The following ZEB2 variants were observed in gnomAD, a reference collection of about 807,000 sequenced individuals.
The protein encoded by ZEB2 is zinc finger E-box binding homeobox 2.
Under a neutral mutation model 99.9 loss-of-function variants are expected in ZEB2, and 6 were observed. That is an observed-to-expected ratio of 0.06 (90% CI 0.03 to 0.12). ZEB2 has a LOEUF of 0.12. ZEB2 is among the 10% of genes least tolerant of loss of function. The probability of loss-of-function intolerance (pLI) is 1.00; values close to 1 mark genes in which losing one functional copy is unlikely to be tolerated. For missense variants in ZEB2, 969 were observed against 1,502.8 expected (o/e 0.64, Z 5.87); for synonymous variants, 517 against 542.5 (o/e 0.95, Z 0.65).
intron 2 of ZEB2, among the ~76,000 whole-genome samples, chr2:144,432,486 A>G (rs1703786968): frequency 6.6e-6 from 1 of 152,106 alleles, no homozygotes; most frequent in East Asian, 1.9e-4. Flanking sequence ...AAATGAGACA[A>G]TCTCATTCTG....
rs748955225 is a variant in ZEB2, at chr2:144,399,460, T to C, written c.1727A>G (p.Asn576Ser). Residue 576 changes from asparagine (N) to serine (S), a missense_variant, in exon 8 of 10, where the codon AAC becomes AGC. Physicochemically the swap from Asn to Ser is conservative, Grantham distance 46. Transcript: ENST00000627532. The surrounding 1 kb of genome is among the most constrained non-coding windows in gnomAD (Gnocchi z 5.6). ...CTGGCATGAAAATGGAGTGGATATG[T>C]TGTGGTTCTCAATCATTTTGTCATC... ...VTDDKMIENHNISTPFSCQFC... is the reference protein window; with the variant it reads ...VTDDKMIENHSISTPFSCQFC... The C allele has an allele frequency of 2.5e-6, 4 of 1,614,152 alleles. No individual in the cohort carries two copies. The highest frequency in any genetic ancestry group is 3.4e-6 in the Non-Finnish European group (4 of 1,180,012).
intron 2 of ZEB2, among the ~76,000 whole-genome samples, chr2:144,493,572 C>T (rs1174972691): frequency 6.6e-6 from 1 of 151,924 alleles, no homozygotes; most frequent in Non-Finnish European, 1.5e-5. Context: ...AACTGGGCTC[C>T]ATTTGTTACA....
At chr2:144,501,071 G>A (rs961860868) in intron 2 of ZEB2, among the ~76,000 whole-genome samples, 2 of 151,452 alleles carry the variant, frequency 1.3e-5, no homozygotes, top group African/African-American at 2.4e-5. Flanking sequence ...GCTAGAAATT[G>A]GATGGGGGGG....
intron 4 of ZEB2, 30 bp downstream of exon 4, chr2:144,424,766 T>C (rs745474965): frequency 1.9e-6 from 3 of 1,613,694 alleles, no homozygotes; most frequent in Non-Finnish European, 2.5e-6. Flanking sequence ...ACAGGACAAA[T>C]GTGATCTGAG....
At chr2:144,437,834 G>T (rs1035047549) in intron 2 of ZEB2, among the ~76,000 whole-genome samples, 8 of 152,074 alleles carry the variant, frequency 5.3e-5, no homozygotes, top group African/African-American at 7.2e-5. Flanking sequence ...GCCCATAAAA[G>T]GTGTAAAGTC....
In ZEB2 at chr2:144,424,782, C is replaced by A. The variant is rs376172108; in HGVS notation, c.403+14G>T. On this transcript the variant is annotated intron_variant, in intron 4 of 9. Transcript: ENST00000627532. The stretch of plus-strand genomic sequence containing the variant: ...CAGGACAAATGTGATCTGAGCGTGG[C>A]CAACATAACTCACCTGTACCATTGT... 6.2e-7 allele frequency: 1 copy of A among 1,613,990 alleles called. No individual in the cohort carries two copies. The highest frequency in any genetic ancestry group is 1.1e-5 in the South Asian group (1 of 91,088).
intron 4 of ZEB2, among the ~76,000 whole-genome samples, chr2:144,412,044 C>T (rs760253745): frequency 3.9e-5 from 6 of 152,258 alleles, no homozygotes; most frequent in Admixed American, 1.3e-4. Context: ...CCGAGGTGGG[C>T]GGATCACCTG....
At chr2:144,491,372 A>C (rs1018659758) in intron 2 of ZEB2, among the ~76,000 whole-genome samples, 4 of 152,078 alleles carry the variant, frequency 2.6e-5, no homozygotes, top group African/African-American at 9.7e-5. Context: ...AAAAAAAAAA[A>C]AACGACCTAA....
rs1560608530 is a variant in ZEB2 at position 144,402,583 on chromosome 2, C to T, written c.808-1276G>A. ...AATATGATACAATCATTTTAATTTACTAATTGTAAATGCCATGAGCAAATG... is the reference window on the plus strand; with the variant it reads ...AATATGATACAATCATTTTAATTTATTAATTGTAAATGCCATGAGCAAATG... On this transcript the variant is annotated intron_variant, in intron 6 of 9. Transcript: ENST00000627532. 2.6e-5 allele frequency among the ~76,000 whole-genome samples: 4 copies of T among 152,298 alleles called. No individual in the cohort carries two copies. In the East Asian group the frequency reaches 5.8e-4, roughly 22 times the overall value.
At chr2:144,517,947 C>T (rs1705190512) in intron 1 of ZEB2, 1 of 398,766 alleles carries the variant, frequency 2.5e-6, no homozygotes. Context: ...TCGCCCAGCG[C>T]CCCCTCCCCT....
intron 3 of ZEB2, chr2:144,428,993 T>A (rs539851393): frequency 1.2e-4 from 18 of 152,358 alleles, no homozygotes; most frequent in Admixed American, 1.1e-3. Context: ...GCAGAGAAAG[T>A]TCACAGGAAT....
intron 2 of ZEB2, among the ~76,000 whole-genome samples, chr2:144,458,966 T>TA (rs1206470669): frequency 6.6e-6 from 1 of 152,184 alleles, no homozygotes; most frequent in Non-Finnish European, 1.5e-5. Context: ...TTTTGAATGA[T>TA]AGAGACCAGA....
At chr2:144,449,740 A>G (rs1454349210) in intron 2 of ZEB2, 1 of 152,184 alleles carries the variant, frequency 6.6e-6, no homozygotes, top group Admixed American at 6.5e-5. Context: ...TGATCATGAA[A>G]CCAAATTCAG....
intron 4 of ZEB2, among the ~76,000 whole-genome samples, chr2:144,411,123 T>TAC (rs3073686): frequency 0.18 from 20,824 of 117,252 alleles, 2,541 homozygotes; most frequent in African/African-American, 0.3. Flanking sequence ...ATCTCATATA[T>TAC]ACACACACAC....
chr2:144,413,976 G>A (rs1242432583), intron 4 of ZEB2, among the ~76,000 whole-genome samples: 7 of 152,310 alleles, frequency 4.6e-5, no homozygotes, highest in East Asian at 1.9e-4. Context: ...CTATGCTAAC[G>A]ATGCGATGCA....
intron 2 of ZEB2, among the ~76,000 whole-genome samples, chr2:144,483,150 A>ACACACACGCGCG (rs1553968399): frequency 6.7e-6 from 1 of 149,546 alleles, no homozygotes; most frequent in African/African-American, 2.4e-5. Context: ...ACACACACAC[A>ACACACACGCGCG]CACACACACA....
intron 2 of ZEB2, chr2:144,513,995 C>T: frequency 1.0e-6 from 1 of 965,490 alleles, no homozygotes; most frequent in Non-Finnish European, 1.5e-6. Flanking sequence ...ACCCCACTCC[C>T]TCTTTCCTCC....
rs16855324 is a variant in ZEB2, at chr2:144,390,191, C to T, written c.3068-163G>A. ...GATGGAGAGTTAGGAAGATGCATTT[C>T]CATCCCACAATTTGGTTTTCTAATG... On this transcript the variant is annotated intron_variant, in intron 9 of 9. Coordinates refer to ENST00000627532, the MANE Select transcript of ZEB2 (RefSeq NM_014795.4). 0.21 allele frequency among the ~76,000 whole-genome samples: 32,653 copies of T among 152,024 alleles called. 3,991 individuals carry two copies. Among genetic ancestry groups the T allele is most frequent in the African/African-American group, 0.33 (13,515 of 41,416 alleles).
chr2:144,516,532 G>C (rs1378528627), intron 2 of ZEB2: 5 of 152,056 alleles, frequency 3.3e-5, no homozygotes, highest in African/African-American at 7.3e-5. Context: ...TGGATAACGG[G>C]CTCCTCCAGA....
Sources: gnomAD v4.1 joint callset for allele counts (sites outside exome capture counted in the v4.1 genomes callset) on GRCh38, gnomAD v4.1.1 for gene constraint, Gnocchi (gnomAD v3.1) non-coding constraint, MANE v1.5 for transcripts, NCBI Gene and HGNC (gene_info 2026-07-23, HGNC 2026-07-21) for gene names.